The following ZYG11B variants were observed in gnomAD, a reference collection of about 807,000 sequenced individuals.
The protein encoded by ZYG11B is protein zyg-11 homolog B.
ZYG11B carries 36 observed loss-of-function variants against 82.4 expected under a neutral mutation model. The ratio of observed to expected loss-of-function variants is 0.44; its 90% CI spans 0.33 to 0.58. The LOEUF is 0.58. Ranked by LOEUF, ZYG11B falls within the 20% of genes least tolerant of loss-of-function variation. The pLI is 0.02. For missense variants in ZYG11B, 552 were observed against 895.6 expected (o/e 0.62, Z 4.90); for synonymous variants, 303 against 312.8 (o/e 0.97, Z 0.33).
At chr1:52,791,174 C>T (rs1209178595) in intron 6 of ZYG11B, among the ~76,000 whole-genome samples, 1 of 151,704 alleles carries the variant, frequency 6.6e-6, no homozygotes, top group Non-Finnish European at 1.5e-5. Context: ...GGTTTCACCA[C>T]GTTGGCCATG....
chr1:52,761,323 T>C (rs1255414419), intron 2 of ZYG11B, among the ~76,000 whole-genome samples: 1 of 152,214 alleles, frequency 6.6e-6, no homozygotes, highest in Non-Finnish European at 1.5e-5. Context: ...CTTTAATCAA[T>C]CTCTGCCTAT....
At chr1:52,772,052 G>A (rs1644756304) in intron 3 of ZYG11B, 2 of 691,318 alleles carry the variant, frequency 2.9e-6, no homozygotes, top group African/African-American at 3.6e-5. Context: ...AAGTCACGTA[G>A]TAGGTCCTGG....
chr1:52,790,771 T>C (rs1449995549), intron 6 of ZYG11B, among the ~76,000 whole-genome samples: 3 of 95,618 alleles, frequency 3.1e-5, no homozygotes, highest in Non-Finnish European at 5.6e-5. Flanking sequence ...AGGTCCAGTG[T>C]TCTTTTTTTT....
intron 1 of ZYG11B, among the ~76,000 whole-genome samples, chr1:52,751,965 GT>G (rs60275454): frequency 2.3e-4 from 34 of 146,040 alleles, no homozygotes; most frequent in Middle Eastern, 3.5e-3. Flanking sequence ...CAGATGTGTG[GT>G]TTTTTTTTTT....
chr1:52,740,857 G>A (rs537720186), intron 1 of ZYG11B, among the ~76,000 whole-genome samples: 2 of 148,286 alleles, frequency 1.3e-5, no homozygotes, highest in Admixed American at 6.8e-5. Flanking sequence ...GAGCCACTGC[G>A]CCCTGCTGGT....
intron 3 of ZYG11B, among the ~76,000 whole-genome samples, chr1:52,773,892 C>T (rs1558129169): frequency 6.6e-6 from 1 of 151,478 alleles, no homozygotes; most frequent in Non-Finnish European, 1.5e-5. Context: ...GTTCGCCTGT[C>T]TTGGCCTTCC....
At chr1:52,728,939 G>T (rs1644307372) in intron 1 of ZYG11B, among the ~76,000 whole-genome samples, 1 of 152,118 alleles carries the variant, frequency 6.6e-6, no homozygotes, top group Non-Finnish European at 1.5e-5. Context: ...ATATAGCATG[G>T]AAGGATGCAA....
At chr1:52,810,588 T>A (rs184870082) in intron 10 of ZYG11B, among the ~76,000 whole-genome samples, 1 of 152,338 alleles carries the variant, frequency 6.6e-6, no homozygotes, top group East Asian at 1.9e-4. Flanking sequence ...TAAAGGACAC[T>A]GAGAGTCACT....
chr1:52,737,664 T>C (rs1644389169), intron 1 of ZYG11B, among the ~76,000 whole-genome samples: 1 of 152,128 alleles, frequency 6.6e-6, no homozygotes, highest in Non-Finnish European at 1.5e-5. Flanking sequence ...TTTGGGAGGC[T>C]GAGGCAAGAG....
intron 2 of ZYG11B, among the ~76,000 whole-genome samples, chr1:52,762,368 C>T (rs1644639345): frequency 6.6e-6 from 1 of 151,840 alleles, no homozygotes; most frequent in Admixed American, 6.6e-5. Context: ...CCACCCTGCC[C>T]AGGTAGTTTT....
At chr1:52,801,266 C>G (rs1051030972) in intron 8 of ZYG11B, among the ~76,000 whole-genome samples, 1 of 151,936 alleles carries the variant, frequency 6.6e-6, no homozygotes, top group Admixed American at 6.6e-5. Context: ...TAGACTAATT[C>G]TTTTATTGTA....
intron 1 of ZYG11B, among the ~76,000 whole-genome samples, chr1:52,748,587 G>T (rs1391133869): frequency 6.6e-6 from 1 of 152,232 alleles, no homozygotes; most frequent in Admixed American, 6.5e-5. Flanking sequence ...GGCTGGCTGG[G>T]CATGGTGGCA....
At chr1:52,753,683 G>A (rs749667290) in intron 1 of ZYG11B, among the ~76,000 whole-genome samples, 1 of 151,254 alleles carries the variant, frequency 6.6e-6, no homozygotes, top group Non-Finnish European at 1.5e-5. Flanking sequence ...CGCAACCTCT[G>A]CCTCCCGGGT....
chr1:52,791,850 C>T (rs1217308073), intron 6 of ZYG11B, among the ~76,000 whole-genome samples: 1 of 152,142 alleles, frequency 6.6e-6, no homozygotes, highest in African/African-American at 2.4e-5. Context: ...CCTCTGTGCT[C>T]ATCATCGTAA....
intron 1 of ZYG11B, 141 bp from the exon 2 acceptor site, chr1:52,756,317 C>A: frequency 1.5e-6 from 1 of 684,078 alleles, no homozygotes; most frequent in Non-Finnish European, 2.4e-6. Flanking sequence ...TTGTATTCCA[C>A]TGCCTTACAC....
intron 2 of ZYG11B, 144 bp downstream of exon 2, chr1:52,756,767 T>G: frequency 1.5e-6 from 1 of 682,412 alleles, no homozygotes; most frequent in Non-Finnish European, 2.3e-6. Flanking sequence ...AATTCATTTA[T>G]TTTTACCTAT....
At chr1:52,742,756 G>A (rs1303300269) in intron 1 of ZYG11B, among the ~76,000 whole-genome samples, 3 of 151,654 alleles carry the variant, frequency 2.0e-5, no homozygotes, top group Admixed American at 6.6e-5. Flanking sequence ...GCAGGAGAAT[G>A]GCCTGAAGCC....
rs762153719 is a variant in ZYG11B, at chr1:52,779,841, T to G, written c.952-12T>G. The G allele has an allele frequency of 1.2e-6, 2 of 1,612,056 alleles. No individual in the cohort carries two copies. Among genetic ancestry groups the G allele is most frequent in the Non-Finnish European group, 1.7e-6 (2 of 1,179,504 alleles). ...GAGAGAATTCTAAAAGCTAATCTGG[T>G]TATGTTCACAGGTGTCTGGGGAAGC... On this transcript the variant is annotated splice_polypyrimidine_tract_variant and intron_variant, in intron 3 of 13. Transcript: ENST00000294353.
intron 5 of ZYG11B, among the ~76,000 whole-genome samples, chr1:52,789,724 C>T (rs1051517090): frequency 2.6e-5 from 4 of 152,018 alleles, no homozygotes; most frequent in African/African-American, 9.7e-5. Flanking sequence ...ATACAGAAGA[C>T]AAGGTTACTT....
Sources: gnomAD v4.1 joint callset for allele counts (sites outside exome capture counted in the v4.1 genomes callset) on GRCh38, gnomAD v4.1.1 for gene constraint, MANE v1.5 for transcripts, NCBI Gene and HGNC (gene_info 2026-07-23, HGNC 2026-07-21) for gene names.